The following UNC13B variants were observed in gnomAD, a reference collection of about 807,000 sequenced individuals.
The protein encoded by UNC13B is unc-13 homolog B.
UNC13B carries 144 observed loss-of-function variants against 211.0 expected under a neutral mutation model. The ratio of observed to expected loss-of-function variants is 0.68; its 90% CI spans 0.60 to 0.78. The LOEUF (loss-of-function observed/expected upper bound fraction) is 0.78. UNC13B is among the 30% of genes least tolerant of loss of function. The probability of loss-of-function intolerance (pLI) is 0.00; values close to 1 mark genes in which losing one functional copy is unlikely to be tolerated. For missense variants in UNC13B, 1,777 were observed against 2,002.0 expected (o/e 0.89, Z 2.14); for synonymous variants, 709 against 725.8 (o/e 0.98, Z 0.37).
intron 22 of UNC13B, chr9:35,385,473 G>A: frequency 1.0e-6 from 1 of 985,434 alleles, no homozygotes; most frequent in Non-Finnish European, 1.2e-6. Context: ...TACATTGCAT[G>A]GGAAGTAGGG....
rs903106670 is a variant in UNC13B at position 35,316,460 on chromosome 9, G to A, written c.9414+2471G>A. Among the ~76,000 whole-genome samples, 7 of 152,240 alleles carry A rather than the reference G, an allele frequency of 4.6e-5. No individual in the cohort carries two copies. In the South Asian group the frequency reaches 1.0e-3, roughly 23 times the overall value. ...TTGAAAAGATAGCTGCTTGGAAAAGGTATTGTGAATACAGATATTTGAAAA... is the reference window on the plus strand; with the variant it reads ...TTGAAAAGATAGCTGCTTGGAAAAGATATTGTGAATACAGATATTTGAAAA... On this transcript the variant is annotated intron_variant, in intron 11 of 39. Coordinates refer to ENST00000635942, the MANE Select transcript of UNC13B (RefSeq NM_001371189.2).
chr9:35,376,882 C>T (rs1401685893), intron 15 of UNC13B, among the ~76,000 whole-genome samples: 1 of 152,188 alleles, frequency 6.6e-6, no homozygotes, highest in African/African-American at 2.4e-5. Flanking sequence ...GCTCAAAGTT[C>T]ATATCTCCTT....
intron 37 of UNC13B, among the ~76,000 whole-genome samples, chr9:35,400,949 AG>A (rs1175717269): frequency 6.6e-6 from 1 of 151,764 alleles, no homozygotes; most frequent in African/African-American, 2.4e-5. Flanking sequence ...CCCTGTGCAC[AG>A]CTGAGGCTCC....
chr9:35,288,152 A>G (rs1029616248), intron 7 of UNC13B, among the ~76,000 whole-genome samples: 5 of 151,878 alleles, frequency 3.3e-5, no homozygotes, highest in African/African-American at 1.2e-4. Flanking sequence ...TGAGTGCACC[A>G]TTCTCCTTAC....
chr9:35,272,887 G>A (rs942208081), intron 7 of UNC13B, among the ~76,000 whole-genome samples: 1 of 152,086 alleles, frequency 6.6e-6, no homozygotes, highest in Admixed American at 6.5e-5. Flanking sequence ...GAAACAAAAA[G>A]CTTCTGGGGT....
chr9:35,204,067 A>G lies in UNC13B; in HGVS notation c.23-23948A>G, dbSNP rs1017232895. Among the ~76,000 whole-genome samples, 3 of 152,248 alleles carry G rather than the reference A, an allele frequency of 2.0e-5. No individual in the cohort carries two copies. The East Asian group carries it at 5.8e-4, about 29-fold the overall frequency. On this transcript the variant is annotated intron_variant, in intron 1 of 39. Transcript: ENST00000635942. ...TGCATCCTGGAGCACTGCTCTGTGC[A>G]TCCTGGCATCTCTAGCACCAGCTGG...
At chr9:35,209,973 C>T (rs1283620914) in intron 1 of UNC13B, among the ~76,000 whole-genome samples, 1 of 152,146 alleles carries the variant, frequency 6.6e-6, no homozygotes, top group Non-Finnish European at 1.5e-5. Context: ...GTCATGTTGG[C>T]TCATGCTTGT....
intron 11 of UNC13B, chr9:35,352,713 A>G (rs1832794112): frequency 8.1e-7 from 1 of 1,232,052 alleles, no homozygotes; most frequent in Admixed American, 4.2e-5. Flanking sequence ...GATGAAATAA[A>G]AGGAGCATCA....
At chr9:35,215,513 A>G (rs1030493975) in intron 1 of UNC13B, among the ~76,000 whole-genome samples, 3 of 152,248 alleles carry the variant, frequency 2.0e-5, no homozygotes, top group African/African-American at 7.2e-5. Flanking sequence ...TGACAACAAT[A>G]GGATGTAAAG....
chr9:35,174,415 CCTGGGTT>C (rs1275787922), intron 1 of UNC13B, among the ~76,000 whole-genome samples: 1 of 151,966 alleles, frequency 6.6e-6, no homozygotes, highest in African/African-American at 2.4e-5. Context: ...ACCTCTGCCT[CCTGGGTT>C]CAAGCGATTC....
At chr9:35,380,374 A>C (rs367825185) in intron 17 of UNC13B, 96 bp from the exon 18 acceptor site, 1 of 1,350,170 alleles carries the variant, frequency 7.4e-7, no homozygotes, top group African/African-American at 1.4e-5. Flanking sequence ...CAGGGCCTCA[A>C]GTGCAGCTGT....
At chr9:35,244,641 C>G (rs930740757) in intron 6 of UNC13B, among the ~76,000 whole-genome samples, 1 of 152,108 alleles carries the variant, frequency 6.6e-6, no homozygotes, top group African/African-American at 2.4e-5. Flanking sequence ...TAATGTGCCT[C>G]CCTGTGTGTC....
rs750134155 is a variant in UNC13B, at chr9:35,375,143, G to A, written c.9557G>A (p.Arg3186Gln). 14 of 1,614,134 alleles carry A rather than the reference G, an allele frequency of 8.7e-6. No individual in the cohort carries two copies. The highest frequency in any genetic ancestry group is 2.7e-5 in the African/African-American group (2 of 75,050). ...LVSDLSLVQS[R>Q]KAGITSAMAT... ...CCCTGACAGTCACTGGTCCAGTCTC[G>A]GAAGGCAGGAATCACTTCTGCAATG... Residue 3186 changes from arginine (R) to glutamine (Q), a missense_variant, in exon 14 of 40, where the codon CGG (arginine) becomes CAG (glutamine). Arg to Gln is a conservative substitution (Grantham distance 43). Coordinates refer to ENST00000635942, the MANE Select transcript of UNC13B (RefSeq NM_001371189.2).
At chr9:35,269,881 G>C (rs1827778464) in intron 7 of UNC13B, among the ~76,000 whole-genome samples, 1 of 151,912 alleles carries the variant, frequency 6.6e-6, no homozygotes, top group African/African-American at 2.4e-5. Context: ...CTTTTAAAAT[G>C]AGTATCACTA....
chr9:35,217,378 T>C (rs1824305020), intron 1 of UNC13B, among the ~76,000 whole-genome samples: 1 of 151,586 alleles, frequency 6.6e-6, no homozygotes, highest in Non-Finnish European at 1.5e-5. Context: ...TATCATTTCT[T>C]GTTTGTTTGT....
intron 11 of UNC13B, chr9:35,352,692 C>T (rs1208534114): frequency 1.6e-6 from 2 of 1,231,910 alleles, no homozygotes; most frequent in African/African-American, 1.6e-5. Flanking sequence ...AGTGATGTGC[C>T]CAAGCTAGGG....
chr9:35,221,910 T>C (rs1275042985), intron 1 of UNC13B, among the ~76,000 whole-genome samples: 1 of 152,218 alleles, frequency 6.6e-6, no homozygotes, highest in African/African-American at 2.4e-5. Flanking sequence ...GTTAAAAAGA[T>C]TATCTTTTCC....
chr9:35,302,169 A>T lies in UNC13B; in HGVS notation c.2765A>T (p.Asp922Val). ...DEESKKNCHE[D>V]TKHSSIKSSS... The stretch of plus-strand genomic sequence containing the variant: ...GAGAGCAAAAAAAATTGCCATGAAG[A>T]TACCAAACATAGTTCAATAAAATCT... The change falls in exon 9 of 40, where the codon GAT (aspartate) becomes GTT (valine). Residue 922 changes from aspartate to valine, a missense_variant. Coordinates refer to ENST00000635942, the MANE Select transcript of UNC13B (RefSeq NM_001371189.2). 1 of 398,790 alleles carries T rather than the reference A, an allele frequency of 2.5e-6. No individual in the cohort carries two copies. The highest frequency in any genetic ancestry group is 4.4e-6 in the Non-Finnish European group (1 of 225,822). The allele number at this position is 398,790 out of a possible 1,614,324, so 24.7% of individuals were successfully genotyped here.
intron 7 of UNC13B, among the ~76,000 whole-genome samples, chr9:35,265,340 C>A (rs1214957502): frequency 6.6e-6 from 1 of 152,186 alleles, no homozygotes; most frequent in African/African-American, 2.4e-5. Context: ...GCTCTCTCCA[C>A]CATGTGAGGA....
Sources: gnomAD v4.1 joint callset for allele counts (sites outside exome capture counted in the v4.1 genomes callset) on GRCh38, gnomAD v4.1.1 for gene constraint, MANE v1.5 for transcripts, NCBI Gene and HGNC (gene_info 2026-07-23, HGNC 2026-07-21) for gene names.